Variants in FAF1 observed in about 807,000 individuals in gnomAD.
FAF1 encodes the protein FAS-associated factor 1.
FAF1 carries 25 observed loss-of-function variants against 92.5 expected under a neutral mutation model. The ratio of observed to expected loss-of-function variants is 0.27; its 90% CI spans 0.20 to 0.38. The LOEUF (loss-of-function observed/expected upper bound fraction) is 0.38, where lower values mean the gene tolerates loss of function less well. Ranked by LOEUF, FAF1 falls within the 10% of genes least tolerant of loss-of-function variation. The pLI is 1.00. For synonymous variants in FAF1, 234 were observed against 273.2 expected (o/e 0.86, Z 1.42); for missense variants, 636 against 793.3 (o/e 0.80, Z 2.38).
intron 4 of FAF1, among the ~76,000 whole-genome samples, chr1:50,779,991 GACACAC>G (rs57528056): frequency 2.2e-3 from 316 of 145,528 alleles, no homozygotes; most frequent in African/African-American, 6.4e-3. Flanking sequence ...CAGACAGACA[GACACAC>G]ACACACACAC....
chr1:50,691,521 C>T (rs1656923389), intron 7 of FAF1, among the ~76,000 whole-genome samples: 1 of 152,222 alleles, frequency 6.6e-6, no homozygotes, highest in Non-Finnish European at 1.5e-5. Context: ...GGATTACCGG[C>T]ATGAACCACT....
intron 15 of FAF1, among the ~76,000 whole-genome samples, chr1:50,526,436 A>T (rs1647809595): frequency 6.6e-6 from 1 of 151,346 alleles, no homozygotes; most frequent in African/African-American, 2.4e-5. Flanking sequence ...TCTCTATTAA[A>T]AATAATAATA....
At chr1:50,917,443 T>A (rs1644925973) in intron 1 of FAF1, among the ~76,000 whole-genome samples, 1 of 152,054 alleles carries the variant, frequency 6.6e-6, no homozygotes, top group Non-Finnish European at 1.5e-5. Context: ...CAGCAGAGAT[T>A]TTTGCAGCAA....
At chr1:50,588,444 T>C (rs1651344506) in intron 9 of FAF1, among the ~76,000 whole-genome samples, 1 of 152,190 alleles carries the variant, frequency 6.6e-6, no homozygotes, top group Non-Finnish European at 1.5e-5. Context: ...AAGGTGTCTG[T>C]GCATTTGATG....
intron 8 of FAF1, among the ~76,000 whole-genome samples, chr1:50,603,326 T>C (rs1171013895): frequency 6.6e-6 from 1 of 152,200 alleles, no homozygotes; most frequent in Non-Finnish European, 1.5e-5. Context: ...CTTAGAGTAG[T>C]GGAGTAACCT....
At chr1:50,538,610 A>G (rs916826814) in intron 14 of FAF1, among the ~76,000 whole-genome samples, 1 of 151,936 alleles carries the variant, frequency 6.6e-6, no homozygotes, top group African/African-American at 2.4e-5. Context: ...GACCTTACAG[A>G]TATCCTAAAA....
intron 18 of FAF1, among the ~76,000 whole-genome samples, chr1:50,447,347 G>A (rs1572747297): frequency 2.6e-5 from 4 of 152,046 alleles, no homozygotes; most frequent in South Asian, 2.1e-4. Context: ...GGATGGTCTC[G>A]ATCTCCTGAC....
intron 13 of FAF1, among the ~76,000 whole-genome samples, chr1:50,557,707 G>T (rs1220742940): frequency 6.6e-6 from 1 of 151,994 alleles, no homozygotes; most frequent in African/African-American, 2.4e-5. Context: ...GTTTATAGAA[G>T]AGGAGAAATG....
chr1:50,855,954 CAG>C (rs1190056957), intron 2 of FAF1, among the ~76,000 whole-genome samples: 1 of 151,694 alleles, frequency 6.6e-6, no homozygotes, highest in Non-Finnish European at 1.5e-5. Flanking sequence ...TAAAATAACT[CAG>C]AAATAGTGGA....
At chr1:50,672,846 C>T in intron 7 of FAF1, among the ~76,000 whole-genome samples, 1 of 152,014 alleles carries the variant, frequency 6.6e-6, no homozygotes, top group East Asian at 1.9e-4. Context: ...AGGCAGGGTG[C>T]AGTGGTTCAT....
chr1:50,574,101 G>A (rs1650594415), intron 12 of FAF1, among the ~76,000 whole-genome samples: 1 of 152,138 alleles, frequency 6.6e-6, no homozygotes, highest in South Asian at 2.1e-4. Flanking sequence ...ACTCCATCCT[G>A]GGCAACGGGG....
intron 10 of FAF1, among the ~76,000 whole-genome samples, chr1:50,584,006 A>T (rs1651110589): frequency 6.6e-6 from 1 of 152,110 alleles, no homozygotes; most frequent in Non-Finnish European, 1.5e-5. Context: ...CCCAGTTGTC[A>T]TTTAGGATTT....
At chr1:50,901,836 A>G (rs1176607852) in intron 1 of FAF1, among the ~76,000 whole-genome samples, 1 of 152,118 alleles carries the variant, frequency 6.6e-6, no homozygotes, top group Admixed American at 6.6e-5. Flanking sequence ...CTGCACTCCA[A>G]CCTGAGCAAC....
intron 18 of FAF1, among the ~76,000 whole-genome samples, chr1:50,447,414 C>A (rs190639625): frequency 1.3e-5 from 2 of 152,216 alleles, no homozygotes; most frequent in East Asian, 3.9e-4. Flanking sequence ...CGTGAGCCAC[C>A]GCGCCTGGCC....
At chr1:50,652,256 T>C (rs1052358788) in intron 8 of FAF1, among the ~76,000 whole-genome samples, 1 of 152,224 alleles carries the variant, frequency 6.6e-6, no homozygotes, top group African/African-American at 2.4e-5. Flanking sequence ...CATATTTTCC[T>C]ATAGTAATTA....
At chr1:50,653,217 T>C (rs1048698675) in intron 8 of FAF1, among the ~76,000 whole-genome samples, 1 of 152,008 alleles carries the variant, frequency 6.6e-6, no homozygotes, top group African/African-American at 2.4e-5. Flanking sequence ...ATCCCTATCC[T>C]TAGCCATAGA....
chr1:50,836,170 GTTTT>G (rs36053491), intron 2 of FAF1, among the ~76,000 whole-genome samples: 8 of 98,522 alleles, frequency 8.1e-5, no homozygotes, highest in African/African-American at 1.7e-4. Context: ...TTTTGTTTCT[GTTTT>G]TTTTTTTTTT....
chr1:50,438,698 C>T lies in FAF1; in HGVS notation c.*2742G>A, dbSNP rs1646146237. The stretch of plus-strand genomic sequence containing the variant: ...CCAGAGCTCTCCACCTCTTAAAAAC[C>T]TATTCTACTGACCAGCACACTTAGA... On this transcript the variant is annotated 3_prime_UTR_variant, in exon 19 of 19. Coordinates refer to ENST00000396153, the MANE Select transcript of FAF1 (RefSeq NM_007051.3). 2 of 152,182 alleles carry T rather than the reference C, an allele frequency of 1.3e-5. No homozygotes were observed. Among genetic ancestry groups the T allele is most frequent in the South Asian group, 4.1e-4 (2 of 4,826 alleles). 9.4% of individuals were successfully genotyped at this position (152,182 alleles called of 1,614,324 possible).
At chr1:50,630,035 C>T (rs1203715888) in intron 8 of FAF1, among the ~76,000 whole-genome samples, 2 of 150,994 alleles carry the variant, frequency 1.3e-5, no homozygotes, top group Admixed American at 6.6e-5. Context: ...TCCAGCCTGG[C>T]GACAGAGCGA....
Sources: gnomAD v4.1 joint callset for allele counts (sites outside exome capture counted in the v4.1 genomes callset) on GRCh38, gnomAD v4.1.1 for gene constraint, MANE v1.5 for transcripts, NCBI Gene and HGNC (gene_info 2026-07-23, HGNC 2026-07-21) for gene names.